The following GALK1 variants were observed in gnomAD, a reference collection of about 807,000 sequenced individuals.
GALK1 encodes galactokinase.
In GALK1, 30 loss-of-function variants were observed where a neutral mutation model predicts 38.6. The observed-to-expected ratio is 0.78, with a 90% CI of 0.58 to 1.05. The LOEUF (loss-of-function observed/expected upper bound fraction) is 1.05. Ranked by LOEUF, GALK1 falls within the 50% of genes least tolerant of loss-of-function variation. GALK1 has a pLI of 0.00. For missense variants in GALK1, 512 were observed against 540.5 expected (o/e 0.95, Z 0.52); for synonymous variants, 240 against 233.6 (o/e 1.03, Z -0.25).
At chr17:75,752,113 G>A in intron 8 of GALK1, 11 of 1,549,498 alleles carry the variant, frequency 7.1e-6, no homozygotes, top group Admixed American at 1.7e-5. Context: ...GCTGTGTCAG[G>A]GGTGGTGTTG....
In GALK1 at chr17:75,758,268, C is replaced by T. The variant is rs751495691; in HGVS notation, c.1049G>A (p.Gly350Asp). The T allele has an allele frequency of 6.3e-7, 1 of 1,592,856 alleles. No homozygotes were observed. The highest frequency in any genetic ancestry group is 8.5e-7 in the Non-Finnish European group (1 of 1,170,896). Reference protein sequence around the residue: ...GSRMTGGGFGGCTVTLLEASA... With the variant: ...GSRMTGGGFGDCTVTLLEASA... ...GGCCTCCAGCAGTGTCACCGTGCAG[C>T]CACCGAAGCCACCGCCCGTCATGCG... is the stretch of plus-strand genomic sequence containing the variant. The change falls in exon 7 of 8, where the codon GGC becomes GAC. Residue 350 changes from glycine to aspartate, a missense_variant. By Grantham distance (94) the Gly-to-Asp change is moderately conservative. Transcript: ENST00000588479.
chr17:75,753,782 G>C, downstream of GALK1: 8 of 1,453,356 alleles, frequency 5.5e-6, no homozygotes, highest in South Asian at 1.4e-5. Context: ...CTGGAAGTTC[G>C]AGCCCCTGCT....
In GALK1 at chr17:75,758,060, A is replaced by G. The variant is rs371755069; in HGVS notation, c.1175T>C (p.Leu392Ser). 56 of 1,612,646 alleles carry G rather than the reference A, an allele frequency of 3.5e-5. No homozygotes were observed. Among genetic ancestry groups the G allele is most frequent in the Non-Finnish European group, 4.4e-5 (52 of 1,179,958 alleles). Residue 392 changes from leucine to serine, a missense_variant, in exon 8 of 8, where the codon TTG becomes TCG. Transcript: ENST00000588479. ...QAADGAKVLC[L>S] ...GTGTGCTGTCCTGGGGGTGCCTCAC[A>G]AGCACAGCACCTTGGCTCCATCGGC...
downstream of GALK1, chr17:75,756,537 A>G (rs776223262): frequency 6.2e-7 from 1 of 1,613,306 alleles, no homozygotes. Context: ...CAGAGCCAGG[A>G]AGGCTGGGGC....
downstream of GALK1, chr17:75,756,516 G>A (rs770427712): frequency 1.6e-5 from 26 of 1,613,182 alleles, no homozygotes; most frequent in Admixed American, 8.3e-5. Context: ...TACGTGTTCC[G>A]CGTGCGGGCC....
At chr17:75,753,883 C>T, downstream of GALK1, 3 of 1,318,956 alleles carry the variant, frequency 2.3e-6, no homozygotes, top group Non-Finnish European at 1.9e-6. Context: ...GCTCCTCCGA[C>T]GCCGAGGCGC....
downstream of GALK1, chr17:75,757,678 G>A (rs761445324): frequency 3.2e-5 from 43 of 1,347,662 alleles, no homozygotes; most frequent in Non-Finnish European, 4.3e-5. Flanking sequence ...GCACAGAGCA[G>A]GGGCTAGGTG....
rs771995336 is a variant in GALK1, at chr17:75,758,285, C to T, written c.1032G>A (p.Thr344=). ...AVPGVYGSRM[T]GGGFGGCTVT... ...CCGTGCAGCCACCGAAGCCACCGCC[C>T]GTCATGCGGCTGCCATAAACCCCAG... Residue 344 remains threonine (T), a synonymous_variant, in exon 7 of 8, where the codon ACG becomes ACA. Coordinates refer to ENST00000588479, the MANE Select transcript of GALK1 (RefSeq NM_000154.2). The T allele has an allele frequency of 1.8e-5, 28 of 1,591,038 alleles. No homozygotes were observed. Among genetic ancestry groups the T allele is most frequent in the Non-Finnish European group, 2.1e-5 (25 of 1,169,858 alleles).
At chr17:75,756,536 G>A, downstream of GALK1, 1 of 1,613,302 alleles carries the variant, frequency 6.2e-7, no homozygotes, top group Non-Finnish European at 8.5e-7. Context: ...CCAGAGCCAG[G>A]AAGGCTGGGG....
intron 5 of GALK1, among the ~76,000 whole-genome samples, chr17:75,761,336 C>A (rs950259306): frequency 2.0e-5 from 3 of 151,828 alleles, no homozygotes; most frequent in South Asian, 2.1e-4. Context: ...AAGAGCCACA[C>A]GGAGGCCAGG....
In GALK1 at chr17:75,757,965, GCA is replaced by G; in HGVS notation, c.*89_*90del. On this transcript the variant is annotated 3_prime_UTR_variant, in exon 8 of 8. Transcript: ENST00000588479. ...CACATTGGAGGCACAAGTTTATTGAGCACCCGGATATGGAAGATGGCACCGGG... is the reference window on the plus strand; with the variant it reads ...CACATTGGAGGCACAAGTTTATTGAGCCCGGATATGGAAGATGGCACCGGG... 1.4e-6 allele frequency: 2 copies of G among 1,424,788 alleles called. No individual in the cohort carries two copies. Among genetic ancestry groups the G allele is most frequent in the East Asian group, 2.3e-5 (1 of 43,066 alleles). 88.3% of individuals were successfully genotyped at this position (1,424,788 alleles called of 1,614,324 possible).
At chr17:75,763,587 G>A (rs750196779) in intron 2 of GALK1, 148 bp from the exon 3 acceptor site, 19 of 910,098 alleles carry the variant, frequency 2.1e-5, no homozygotes, top group Non-Finnish European at 2.7e-5. Flanking sequence ...CAACCTGCTG[G>A]GCCAAGGGAC....
At position 75,752,241 on chromosome 17, in the gene GALK1, C is replaced by T. The variant is rs145351926; in HGVS notation, c.*23-504G>A. ...AGAACCGGATGCTGCTTATTGAGAACCTTCGGGAGTCCCAGCCCTACCGCT... is the reference window on the plus strand; with the variant it reads ...AGAACCGGATGCTGCTTATTGAGAATCTTCGGGAGTCCCAGCCCTACCGCT... On this transcript the variant is annotated intron_variant, in intron 8 of 8. Coordinates refer to the GALK1 transcript ENST00000225614. 3.4e-3 allele frequency: 5,516 copies of T among 1,613,712 alleles called. 12 individuals carry two copies. The highest frequency in any genetic ancestry group is 4.4e-3 in the Non-Finnish European group (5,227 of 1,179,982).
In GALK1 at chr17:75,763,932, G is replaced by A; in HGVS notation, c.320C>T (p.Ala107Val). Residue 107 changes from alanine (A) to valine (V), a missense_variant, in exon 2 of 8, where the codon GCC becomes GTC. Coordinates refer to ENST00000588479, the MANE Select transcript of GALK1 (RefSeq NM_000154.2). ...CTGAATCACTCCCTTGACATAGTTG[G>A]CCCACCGAGGAGTCCCAGGCTCCAG... ...RSLEPGTPRW[A>V]NYVKGVIQYY... is the part of the protein sequence containing the mutation. 6.2e-7 allele frequency: 1 copy of A among 1,613,772 alleles called. No individual in the cohort carries two copies.
downstream of GALK1, chr17:75,754,048 G>A (rs2061430558): frequency 2.9e-6 from 2 of 692,138 alleles, no homozygotes; most frequent in Non-Finnish European, 4.1e-6. Context: ...TGGGGTGGGC[G>A]TCTGCGCTGC....
downstream of GALK1, chr17:75,755,782 G>A (rs778928584): frequency 1.2e-6 from 2 of 1,612,236 alleles, no homozygotes; most frequent in Admixed American, 3.3e-5. Flanking sequence ...CTCAGAGTGA[G>A]CTGGCAGGAG....
chr17:75,753,733 C>T (rs1453394904), downstream of GALK1: 3 of 1,353,052 alleles, frequency 2.2e-6, no homozygotes, highest in African/African-American at 1.5e-5. Flanking sequence ...CGCCCCCCGG[C>T]GGTGCCAACG....
chr17:75,752,093 C>T (rs751074218), intron 8 of GALK1: 57 of 1,468,720 alleles, frequency 3.9e-5, no homozygotes, highest in Non-Finnish European at 5.4e-5. Flanking sequence ...AGGGGATGCA[C>T]GGCCGTCCTG....
downstream of GALK1, chr17:75,751,579 T>C (rs1459785406): frequency 1.3e-5 from 3 of 230,242 alleles, no homozygotes; most frequent in African/African-American, 6.9e-5. Context: ...GGTGAAACCG[T>C]TTCTACTAAA....
Sources: gnomAD v4.1 joint callset for allele counts (sites outside exome capture counted in the v4.1 genomes callset) on GRCh38, gnomAD v4.1.1 for gene constraint, MANE v1.5 for transcripts, NCBI Gene and HGNC (gene_info 2026-07-23, HGNC 2026-07-21) for gene names.